The following SOS1 variants were observed in gnomAD, a reference collection of about 807,000 sequenced individuals.
SOS1 encodes the protein SOS Ras/Rac guanine nucleotide exchange factor 1, also known as son of sevenless homolog 1.
SOS1 carries 25 observed loss-of-function variants against 157.6 expected under a neutral mutation model. That is an observed-to-expected ratio of 0.16 (90% confidence interval 0.12 to 0.22). The LOEUF (loss-of-function observed/expected upper bound fraction) is 0.22. Among genes scored for constraint, SOS1 ranks in the 10% least tolerant of loss-of-function variants. SOS1 has a pLI of 1.00. For missense variants in SOS1, 1,237 were observed against 1,599.1 expected (o/e 0.77, Z 3.86); for synonymous variants, 528 against 534.0 (o/e 0.99, Z 0.16).
chr2:38,989,091 A>C (rs1370866457), intron 21 of SOS1, among the ~76,000 whole-genome samples, 179 bp downstream of exon 21: 1 of 152,152 alleles, frequency 6.6e-6, no homozygotes, highest in African/African-American at 2.4e-5. Flanking sequence ...GAAATATATA[A>C]ATTTAAGCAA....
chr2:39,098,924 G>A (rs1672869802), intron 1 of SOS1, among the ~76,000 whole-genome samples: 1 of 152,044 alleles, frequency 6.6e-6, no homozygotes, highest in African/African-American at 2.4e-5. Flanking sequence ...ACAGTAAAAA[G>A]ACAACCCAAT....
rs771728631 is a variant in SOS1 at position 39,013,412 on chromosome 2, G to A, written c.2167+48C>T. The A allele has an allele frequency of 4.1e-5, 42 of 1,024,604 alleles. 1 individual carries two copies. The South Asian group carries it at 5.2e-4, about 13-fold the overall frequency. The allele number at this position is 1,024,604 out of a possible 1,614,324, so 63.5% of individuals were successfully genotyped here. ...GACATCAATTGATAGTCACCGTGTTGGTACTTTTATTACATATAAAACTAG... is the reference window on the plus strand; with the variant it reads ...GACATCAATTGATAGTCACCGTGTTAGTACTTTTATTACATATAAAACTAG... On this transcript the variant is annotated intron_variant, in intron 13 of 22. Coordinates refer to ENST00000402219, the MANE Select transcript of SOS1 (RefSeq NM_005633.4).
intron 6 of SOS1, among the ~76,000 whole-genome samples, chr2:39,044,037 G>A (rs1455107016): frequency 6.6e-6 from 1 of 152,096 alleles, no homozygotes; most frequent in Non-Finnish European, 1.5e-5. Flanking sequence ...AAAACATTTT[G>A]AAGTGGATCT....
chr2:38,982,753 A>C lies in SOS1; in HGVS notation c.*3071T>G, dbSNP rs947681314. The C allele has an allele frequency of 1.3e-5, 2 of 152,210 alleles. No individual in the cohort carries two copies. Among genetic ancestry groups the C allele is most frequent in the Non-Finnish European group, 2.9e-5 (2 of 68,020 alleles). 9.4% of individuals were successfully genotyped at this position (152,210 alleles called of 1,614,324 possible). ...ATTAGAAGACAAACAATGAAATACAAGATTAAGCTAAACTTGAGAATTAAG... is the reference window on the plus strand; with the variant it reads ...ATTAGAAGACAAACAATGAAATACACGATTAAGCTAAACTTGAGAATTAAG... On this transcript the variant is annotated 3_prime_UTR_variant, in exon 23 of 23. Transcript: ENST00000402219.
intron 14 of SOS1, among the ~76,000 whole-genome samples, chr2:39,011,443 AAGG>A (rs1252391481): frequency 6.6e-6 from 1 of 152,046 alleles, no homozygotes; most frequent in African/African-American, 2.4e-5. Context: ...TTTTGGTCTA[AAGG>A]AGGAGAGGAA....
chr2:38,996,091 CT>C (rs373919767), intron 19 of SOS1, among the ~76,000 whole-genome samples: 20 of 146,934 alleles, frequency 1.4e-4, no homozygotes, highest in South Asian at 2.1e-4. Context: ...GGATTCTTGA[CT>C]TTTTTTTTTT....
intron 6 of SOS1, among the ~76,000 whole-genome samples, chr2:39,036,226 T>C (rs923071169): frequency 7.2e-5 from 11 of 151,874 alleles, no homozygotes; most frequent in African/African-American, 2.4e-4. Context: ...CTCATTTCCA[T>C]AAAGGGTAAT....
chr2:39,019,838 GA>G (rs202123019), intron 10 of SOS1, among the ~76,000 whole-genome samples: 1 of 150,326 alleles, frequency 6.7e-6, no homozygotes, highest in Non-Finnish European at 1.5e-5. Flanking sequence ...CCTATTTCAA[GA>G]AAAAAAAATT....
chr2:39,112,569 TG>T (rs1332506798), intron 1 of SOS1, among the ~76,000 whole-genome samples: 1 of 152,130 alleles, frequency 6.6e-6, no homozygotes, highest in African/African-American at 2.4e-5. Flanking sequence ...TCCCAAGTGC[TG>T]GAATTGCAGG....
At chr2:39,018,898 T>C (rs1386579241) in intron 10 of SOS1, among the ~76,000 whole-genome samples, 1 of 151,828 alleles carries the variant, frequency 6.6e-6, no homozygotes, top group Non-Finnish European at 1.5e-5. Flanking sequence ...ACAGACGCTA[T>C]GCTGACGCAC....
At chr2:39,010,866 A>AT (rs1669442197) in intron 14 of SOS1, among the ~76,000 whole-genome samples, 163 bp from the exon 15 acceptor site, 1 of 151,046 alleles carries the variant, frequency 6.6e-6, no homozygotes, top group Non-Finnish European at 1.5e-5. Flanking sequence ...AAGTGTAATT[A>AT]TGCATATTTC....
intron 22 of SOS1, 33 bp from the exon 23 acceptor site, chr2:38,986,348 T>A: frequency 6.4e-7 from 1 of 1,560,530 alleles, no homozygotes. Context: ...TACACATTTA[T>A]TAATAAATTT....
At chr2:39,050,612 A>G (rs1440593878) in intron 6 of SOS1, among the ~76,000 whole-genome samples, 2 of 152,156 alleles carry the variant, frequency 1.3e-5, no homozygotes, top group South Asian at 2.1e-4. Context: ...AAATGCTCCA[A>G]TGAGCATTTC....
At chr2:38,996,371 C>T (rs1251449683) in intron 19 of SOS1, among the ~76,000 whole-genome samples, 4 of 152,074 alleles carry the variant, frequency 2.6e-5, no homozygotes, top group Non-Finnish European at 5.9e-5. Context: ...ATTACAGGCA[C>T]GAGCCACCGC....
chr2:39,053,656 T>C (rs1281427174), intron 5 of SOS1, among the ~76,000 whole-genome samples: 9 of 152,204 alleles, frequency 5.9e-5, no homozygotes, highest in Non-Finnish European at 1.5e-5. Flanking sequence ...CATTTATGGC[T>C]GTGTGGCTAC....
chr2:39,028,233 A>G (rs2124548030), intron 8 of SOS1, among the ~76,000 whole-genome samples: 1 of 152,360 alleles, frequency 6.6e-6, no homozygotes, highest in Admixed American at 6.5e-5. Context: ...GAAATAAGTA[A>G]AGAGGCAATA....
chr2:38,998,225 G>A lies in SOS1; in HGVS notation c.2792-800C>T, dbSNP rs186996137. Among the ~76,000 whole-genome samples, 6 of 151,902 alleles carry A rather than the reference G, an allele frequency of 3.9e-5. No individual in the cohort carries two copies. In the East Asian group the frequency reaches 1.2e-3, roughly 29 times the overall value. The stretch of plus-strand genomic sequence containing the variant: ...ACCAGTTCTGCTGCCTTCTCTGTGT[G>A]TGATCTTATTTTTTTTTTTATATTT... On this transcript the variant is annotated intron_variant, in intron 17 of 22. Transcript: ENST00000402219.
At chr2:39,028,472 G>A (rs376535017) in intron 8 of SOS1, among the ~76,000 whole-genome samples, 1 of 152,090 alleles carries the variant, frequency 6.6e-6, no homozygotes, top group African/African-American at 2.4e-5. Flanking sequence ...ATTAAAAAAA[G>A]GAATGCTTGA....
At chr2:39,046,278 A>G (rs900330085) in intron 6 of SOS1, among the ~76,000 whole-genome samples, 10 of 152,148 alleles carry the variant, frequency 6.6e-5, no homozygotes, top group African/African-American at 2.4e-4. Context: ...GTTTTTAAAA[A>G]TAAATACGGT....
Sources: gnomAD v4.1 joint callset for allele counts (sites outside exome capture counted in the v4.1 genomes callset) on GRCh38, gnomAD v4.1.1 for gene constraint, MANE v1.5 for transcripts, NCBI Gene and HGNC (gene_info 2026-07-23, HGNC 2026-07-21) for gene names.